FAM156A: variants seen among roughly 807,000 people sequenced by gnomAD.
FAM156A encodes protein FAM156A/FAM156B.
intron 1 of FAM156A, among the ~76,000 whole-genome samples, chrX:52,987,082 A>T (rs1407609158): frequency 8.9e-6 from 1 of 112,490 alleles, no homozygotes; most frequent in South Asian, 3.6e-4. Flanking sequence ...GAACATTTTT[A>T]AAAATATACA....
intron 1 of FAM156A, among the ~76,000 whole-genome samples, chrX:52,980,963 A>C (rs1166936286): frequency 9.3e-6 from 1 of 107,040 alleles, no homozygotes; most frequent in Non-Finnish European, 1.9e-5. Flanking sequence ...ATCCAAGGGC[A>C]GTCTCGAGGC....
chrX:52,990,783 A>AAAGAAAAGAAAAGAAAGAAAAG (rs1930657234), intron 1 of FAM156A, among the ~76,000 whole-genome samples: 1 of 78,088 alleles, frequency 1.3e-5, no homozygotes, highest in Non-Finnish European at 2.5e-5. Context: ...GACTGTCAAG[A>AAAGAAAAGAAAAGAAAGAAAAG]AAAGAAAAGA....
At chrX:52,987,004 A>G (rs1356184734) in intron 1 of FAM156A, among the ~76,000 whole-genome samples, 1 of 112,417 alleles carries the variant, frequency 8.9e-6, no homozygotes, top group African/African-American at 3.2e-5. Context: ...GTTAAGCAAC[A>G]TTATAGGATA....
chrX:52,977,105 CAT>C (rs59645649), intron 1 of FAM156A, among the ~76,000 whole-genome samples: 9,063 of 97,349 alleles, frequency 0.093, 361 homozygotes, highest in Non-Finnish European at 0.13. Flanking sequence ...CACACACACA[CAT>C]ATATATATAT....
At chrX:52,977,029 T>C (rs782813327) in intron 1 of FAM156A, among the ~76,000 whole-genome samples, 21 of 105,969 alleles carry the variant, frequency 2.0e-4, no homozygotes, top group African/African-American at 6.9e-4. Context: ...TATATATATA[T>C]ACACACACAC....
intron 1 of FAM156A, among the ~76,000 whole-genome samples, chrX:52,978,711 G>A (rs187006994): frequency 9.4e-4 from 105 of 112,279 alleles, no homozygotes; most frequent in African/African-American, 3.3e-3. Flanking sequence ...GACTGGTCTG[G>A]GTATCATTTG....
chrX:52,981,516 C>T (rs1929901396), intron 1 of FAM156A, among the ~76,000 whole-genome samples: 1 of 111,898 alleles, frequency 8.9e-6, no homozygotes, highest in Non-Finnish European at 1.9e-5. Context: ...CTGGCCAAGG[C>T]CCCCAGTGTG....
intron 1 of FAM156A, among the ~76,000 whole-genome samples, chrX:52,978,555 G>A (rs1030445629): frequency 6.2e-5 from 7 of 112,479 alleles, no homozygotes; most frequent in African/African-American, 1.9e-4. Context: ...CGGGCATCGC[G>A]AAAACTCTAC....
chrX:52,988,026 G>A (rs1016847275), intron 1 of FAM156A, among the ~76,000 whole-genome samples: 30 of 111,546 alleles, frequency 2.7e-4, no homozygotes, highest in Non-Finnish European at 4.9e-4. Flanking sequence ...CGAGGCGGGC[G>A]GATCAGAAGT....
At chrX:52,979,376 C>G (rs1259579228) in intron 1 of FAM156A, among the ~76,000 whole-genome samples, 2 of 111,475 alleles carry the variant, frequency 1.8e-5, no homozygotes, top group Non-Finnish European at 3.8e-5. Context: ...TGTTGTCCCC[C>G]TCCCACCAGC....
chrX:52,973,455 A>C (rs1287128828), intron 1 of FAM156A, among the ~76,000 whole-genome samples: 1 of 108,918 alleles, frequency 9.2e-6, no homozygotes, highest in Non-Finnish European at 1.9e-5. Context: ...AGAACTTTCT[A>C]ATCAGCACAA....
chrX:52,973,997 G>GA (rs1265285595), intron 1 of FAM156A, among the ~76,000 whole-genome samples: 5 of 110,806 alleles, frequency 4.5e-5, no homozygotes, highest in Admixed American at 9.6e-5. Context: ...TTCTTATTTA[G>GA]AAAAAAGGTC....
At chrX:52,993,858 G>A (rs1230535083) in intron 1 of FAM156A, among the ~76,000 whole-genome samples, 5 of 111,649 alleles carry the variant, frequency 4.5e-5, no homozygotes, top group African/African-American at 1.6e-4. Context: ...TACAGCAGAC[G>A]CTCAGGAAAT....
chrX:52,987,515 T>C (rs1364163737), intron 1 of FAM156A, among the ~76,000 whole-genome samples: 2 of 109,687 alleles, frequency 1.8e-5, no homozygotes, highest in Non-Finnish European at 3.8e-5. Context: ...CTTAGCCGAG[T>C]GTGCTGGTGT....
In FAM156A at chrX:52,988,254, AAAAGAAAAG is replaced by A. The variant is rs782087040; in HGVS notation, c.-434+7043_-434+7051del. On this transcript the variant is annotated intron_variant, in intron 1 of 4. Coordinates refer to the FAM156A transcript ENST00000610625. The stretch of plus-strand genomic sequence containing the variant: ...GAGCAAGACTCTGTCTCAAAAAAAA[AAAAGAAAAG>A]AAAAGAAAAGAAAGGAAAAGAAAAG... Among the ~76,000 whole-genome samples the A allele has an allele frequency of 6.8e-3, 747 of 109,990 alleles. 8 individuals carry two copies. Among genetic ancestry groups the A allele is most frequent in the African/African-American group, 0.023 (710 of 30,248 alleles).
intron 1 of FAM156A, among the ~76,000 whole-genome samples, chrX:52,990,499 T>C (rs1392761835): frequency 1.8e-5 from 2 of 111,190 alleles, no homozygotes; most frequent in African/African-American, 6.5e-5. Context: ...AGATGCTAGC[T>C]CTGGCCAGGT....
intron 1 of FAM156A, among the ~76,000 whole-genome samples, chrX:52,973,703 C>G (rs1929217886): frequency 8.9e-6 from 1 of 112,152 alleles, no homozygotes; most frequent in Non-Finnish European, 1.9e-5. Context: ...CCGTCTGTCG[C>G]CCAGGCTGGA....
intron 1 of FAM156A, among the ~76,000 whole-genome samples, chrX:52,980,615 G>A (rs968875329): frequency 9.0e-6 from 1 of 111,634 alleles, no homozygotes; most frequent in Non-Finnish European, 1.9e-5. Flanking sequence ...ATGACCAAAC[G>A]CTGAGTCACA....
intron 1 of FAM156A, among the ~76,000 whole-genome samples, chrX:52,977,089 C>T (rs199921020): frequency 3.4e-4 from 32 of 93,022 alleles, no homozygotes; most frequent in South Asian, 2.3e-3. Flanking sequence ...CATATATATA[C>T]ACACACACAC....
Sources: gnomAD v4.1 joint callset for allele counts (sites outside exome capture counted in the v4.1 genomes callset) on GRCh38, gnomAD v4.1.1 for gene constraint, MANE v1.5 for transcripts, NCBI Gene and HGNC (gene_info 2026-07-23, HGNC 2026-07-21) for gene names.